Variants in ARL15 observed in about 807,000 individuals in gnomAD.
ARL15 encodes ADP-ribosylation factor-like protein 15.
ARL15 carries 19 observed loss-of-function variants against 25.2 expected under a neutral mutation model. The ratio of observed to expected loss-of-function variants is 0.75; its 90% CI spans 0.53 to 1.10. The LOEUF is 1.10. ARL15 is among the 50% of genes least tolerant of loss of function. ARL15 has a pLI of 0.00. For missense variants in ARL15, 220 were observed against 246.0 expected, an observed-to-expected ratio of 0.89 and a Z score of 0.71; for synonymous variants, 94 against 86.8, an observed-to-expected ratio of 1.08 and a Z score of -0.46.
At chr5:53,929,018 G>A (rs1353107769) in intron 4 of ARL15, among the ~76,000 whole-genome samples, 1 of 152,046 alleles carries the variant, frequency 6.6e-6, no homozygotes, top group Non-Finnish European at 1.5e-5. Context: ...CTGAAATTTT[G>A]TTCTTTTCTT....
chr5:53,997,994 G>C (rs1326347427), intron 4 of ARL15, among the ~76,000 whole-genome samples: 1 of 151,890 alleles, frequency 6.6e-6, no homozygotes, highest in African/African-American at 2.4e-5. Flanking sequence ...ACCAAGAAAA[G>C]AGAAAATGTG....
intron 4 of ARL15, among the ~76,000 whole-genome samples, chr5:53,996,102 G>A (rs1287399712): frequency 6.6e-6 from 1 of 152,134 alleles, no homozygotes; most frequent in Non-Finnish European, 1.5e-5. Context: ...TCAGGCAGAT[G>A]TTCAGGAGAA....
At chr5:53,984,808 T>C (rs1201024618) in intron 4 of ARL15, among the ~76,000 whole-genome samples, 2 of 152,142 alleles carry the variant, frequency 1.3e-5, no homozygotes, top group African/African-American at 4.8e-5. Flanking sequence ...CAGCCCAACT[T>C]CCCCACTTAT....
At chr5:54,307,620 T>C (rs1351696132) in intron 1 of ARL15, among the ~76,000 whole-genome samples, 1 of 152,214 alleles carries the variant, frequency 6.6e-6, no homozygotes, top group Non-Finnish European at 1.5e-5. Flanking sequence ...TCTTCATCTG[T>C]TTTAATATCT....
chr5:54,007,820 C>T (rs995694408), intron 4 of ARL15, among the ~76,000 whole-genome samples: 11 of 152,226 alleles, frequency 7.2e-5, no homozygotes, highest in African/African-American at 1.7e-4. Flanking sequence ...TCCTCTATCA[C>T]TTACATTCTT....
At chr5:54,234,059 G>T (rs1561277453) in intron 1 of ARL15, among the ~76,000 whole-genome samples, 2 of 152,110 alleles carry the variant, frequency 1.3e-5, no homozygotes, top group African/African-American at 2.4e-5. Flanking sequence ...ACAACGGCAA[G>T]ATCTCAGCTC....
At chr5:54,031,064 A>G (rs987631436) in intron 4 of ARL15, among the ~76,000 whole-genome samples, 6 of 152,188 alleles carry the variant, frequency 3.9e-5, no homozygotes, top group African/African-American at 1.4e-4. Context: ...ACATGTGTAC[A>G]GGTTGGGACA....
chr5:54,218,655 T>A (rs1382927650), intron 1 of ARL15, among the ~76,000 whole-genome samples: 1 of 152,072 alleles, frequency 6.6e-6, no homozygotes, highest in Non-Finnish European at 1.5e-5. Flanking sequence ...CACACTGACA[T>A]CCCAGATTTG....
intron 4 of ARL15, among the ~76,000 whole-genome samples, chr5:54,052,991 C>T (rs558168606): frequency 8.5e-5 from 13 of 152,206 alleles, no homozygotes; most frequent in Non-Finnish European, 1.3e-4. Flanking sequence ...AACCCCACAA[C>T]GATGAGGCTA....
chr5:54,030,049 T>C (rs1749927186), intron 4 of ARL15, among the ~76,000 whole-genome samples: 1 of 152,050 alleles, frequency 6.6e-6, no homozygotes, highest in Non-Finnish European at 1.5e-5. Context: ...GTAGTGTGTG[T>C]CTGTAGTCTC....
chr5:54,045,520 C>T (rs909439014), intron 4 of ARL15, among the ~76,000 whole-genome samples: 1 of 151,344 alleles, frequency 6.6e-6, no homozygotes, highest in African/African-American at 2.4e-5. Context: ...GACGGCAATT[C>T]TATTATGTGT....
chr5:54,082,622 GGAAGAA>G (rs1158248172), intron 4 of ARL15, among the ~76,000 whole-genome samples: 1 of 152,128 alleles, frequency 6.6e-6, no homozygotes, highest in Non-Finnish European at 1.5e-5. Flanking sequence ...AGATAAAATA[GGAAGAA>G]GCCCTCACAC....
chr5:54,226,120 A>C (rs1480420001), intron 1 of ARL15, among the ~76,000 whole-genome samples: 1 of 152,116 alleles, frequency 6.6e-6, no homozygotes, highest in Non-Finnish European at 1.5e-5. Context: ...ATAGTGGGCA[A>C]AGCAGAAGTT....
At chr5:53,945,183 C>G (rs2112097407) in intron 4 of ARL15, among the ~76,000 whole-genome samples, 1 of 152,304 alleles carries the variant, frequency 6.6e-6, no homozygotes, top group East Asian at 1.9e-4. Flanking sequence ...TCCATTCTGT[C>G]CACAGTGGCC....
chr5:54,221,664 C>T (rs751837344), intron 1 of ARL15, among the ~76,000 whole-genome samples: 15 of 151,806 alleles, frequency 9.9e-5, no homozygotes, highest in Admixed American at 2.6e-4. Flanking sequence ...ATATCCAAAA[C>T]GAATCCCACT....
chr5:53,968,605 T>C (rs1190088595), intron 4 of ARL15, among the ~76,000 whole-genome samples: 1 of 152,130 alleles, frequency 6.6e-6, no homozygotes, highest in Non-Finnish European at 1.5e-5. Context: ...AGCAGCATCC[T>C]AGTGATCTGA....
chr5:54,290,240 G>A (rs1758289394), intron 1 of ARL15, among the ~76,000 whole-genome samples: 1 of 151,636 alleles, frequency 6.6e-6, no homozygotes, highest in Non-Finnish European at 1.5e-5. Context: ...TTGGCAATGC[G>A]ACATGTTTAA....
At chr5:53,889,960 C>T (rs1248784071) in intron 4 of ARL15, among the ~76,000 whole-genome samples, 1 of 152,082 alleles carries the variant, frequency 6.6e-6, no homozygotes, top group African/African-American at 2.4e-5. Flanking sequence ...TTACAGATGC[C>T]TGCCACCAGG....
At chr5:53,964,691 A>G (rs1747491937) in intron 4 of ARL15, among the ~76,000 whole-genome samples, 2 of 152,142 alleles carry the variant, frequency 1.3e-5, no homozygotes, top group Non-Finnish European at 1.5e-5. Flanking sequence ...TAGTTACTTA[A>G]ACCAAAATTC....
Sources: allele counts gnomAD v4.1 joint callset (sites outside exome capture counted in the v4.1 genomes callset), GRCh38; gene constraint gnomAD v4.1.1; transcripts MANE v1.5; gene names NCBI Gene and HGNC (gene_info 2026-07-23, HGNC 2026-07-21).